ARHGEF33: variants seen among roughly 807,000 people sequenced by gnomAD.
The protein encoded by ARHGEF33 is Rho guanine nucleotide exchange factor 33, also known as DH and coiled-coil domain-containing protein ENSP00000381780.
ARHGEF33 carries 72 observed loss-of-function variants against 101.9 expected under a neutral mutation model. The observed-to-expected ratio is 0.71, with a 90% CI of 0.58 to 0.86. The LOEUF (loss-of-function observed/expected upper bound fraction) is 0.86, where lower values mean the gene tolerates loss of function less well. Among genes scored for constraint, ARHGEF33 ranks in the 40% least tolerant of loss-of-function variants. ARHGEF33 has a pLI of 0.00. For missense variants in ARHGEF33, 1,169 were observed against 1,111.3 expected (o/e 1.05, Z -0.74); for synonymous variants, 499 against 442.5 (o/e 1.13, Z -1.60).
At chr2:38,898,262 T>A (rs1319074163) in intron 2 of ARHGEF33, among the ~76,000 whole-genome samples, 1 of 152,226 alleles carries the variant, frequency 6.6e-6, no homozygotes, top group Admixed American at 6.5e-5. Context: ...CCATTGCTTT[T>A]ACAAAGGAAG....
chr2:38,972,347 C>CG (rs1178494264), intron 17 of ARHGEF33, among the ~76,000 whole-genome samples: 2 of 152,000 alleles, frequency 1.3e-5, no homozygotes, highest in Non-Finnish European at 2.9e-5. Context: ...AGGGAGAACT[C>CG]GGGGGGGTTC....
Position 38,935,782 on chromosome 2 carries a change from G to C in ARHGEF33, c.513G>C (p.Glu171Asp). The change falls in exon 8 of 18, where the codon GAG becomes GAC. Residue 171 changes from glutamate (E) to aspartate (D), a missense_variant. Transcript: ENST00000409978. ...LPSQAYEKAQESRSVHVGDSN... is the reference protein window; with the variant it reads ...LPSQAYEKAQDSRSVHVGDSN... ...GCTTTCCTTTCTCTGCAGCCCAAGA[G>C]TCCAGATCTGTTCATGTAGGAGACA... 1 of 1,552,060 alleles carries C rather than the reference G, an allele frequency of 6.4e-7. No homozygotes were observed. The highest frequency in any genetic ancestry group is 1.2e-5 in the South Asian group (1 of 84,018).
chr2:38,944,030 G>T lies in ARHGEF33; in HGVS notation c.920G>T (p.Ser307Ile). ...GGAAAGAGGAATTCCAAAGAGAGAA[G>T]GTATCCATGCACTCATTGCCTTTGC... ...SDGKRNSKER[S>I]LFPGSLRYLV... Residue 307 changes from serine (S) to isoleucine (I), a missense_variant and splice_region_variant, in exon 10 of 18, where the codon AGC (serine) becomes ATC (isoleucine). Physicochemically the swap from Ser to Ile is moderately radical, Grantham distance 142. Transcript: ENST00000409978. 1 of 1,549,136 alleles carries T rather than the reference G, an allele frequency of 6.5e-7. No homozygotes were observed. Among genetic ancestry groups the T allele is most frequent in the Non-Finnish European group, 8.7e-7 (1 of 1,145,908 alleles).
chr2:38,924,594 G>T (rs927255851), intron 4 of ARHGEF33, among the ~76,000 whole-genome samples: 1 of 152,074 alleles, frequency 6.6e-6, no homozygotes, highest in African/African-American at 2.4e-5. Context: ...TAAACAGTGT[G>T]GCTTCTTGTA....
At chr2:38,965,745 C>T (rs576756575) in intron 16 of ARHGEF33, among the ~76,000 whole-genome samples, 21 of 152,140 alleles carry the variant, frequency 1.4e-4, no homozygotes, top group Non-Finnish European at 2.5e-4. Context: ...TCTTTATTTC[C>T]TTATCTTTAA....
At position 38,937,575 on chromosome 2, in the gene ARHGEF33, G is replaced by A. The variant is rs768029217; in HGVS notation, c.790+16G>A. 1.4e-4 allele frequency: 194 copies of A among 1,363,164 alleles called. No individual in the cohort carries two copies. Among genetic ancestry groups the A allele is most frequent in the Non-Finnish European group, 1.9e-4 (185 of 977,404 alleles). The allele number at this position is 1,363,164 out of a possible 1,614,324, so 84.4% of individuals were successfully genotyped here. Reference sequence around the variant, plus strand: ...TCCTTAGCTGGTAAGTTCCAAGGGGGAATGCAGGCTAATAGTTTAAAGAAC... The same window carrying A: ...TCCTTAGCTGGTAAGTTCCAAGGGGAAATGCAGGCTAATAGTTTAAAGAAC... On this transcript the variant is annotated intron_variant, in intron 9 of 17. Coordinates refer to ENST00000409978, the MANE Select transcript of ARHGEF33 (RefSeq NM_001145451.5).
intron 8 of ARHGEF33, 23 bp from the exon 9 acceptor site, chr2:38,937,312 C>CGGGGGTGGGGGGGGGGGGGGGG: frequency 1.7e-6 from 1 of 583,332 alleles, no homozygotes; most frequent in Non-Finnish European, 3.0e-6. Flanking sequence ...TTTGTTTCCC[C>CGGGGGTGGGGGGGGGGGGGGGG]GCCCCTCCCC....
At chr2:38,914,992 A>T (rs1392900701) in intron 2 of ARHGEF33, among the ~76,000 whole-genome samples, 1 of 151,938 alleles carries the variant, frequency 6.6e-6, no homozygotes, top group Non-Finnish European at 1.5e-5. Context: ...TTTTATCTGT[A>T]CAACAATAAT....
At chr2:38,970,515 T>G (rs1668144338) in intron 17 of ARHGEF33, among the ~76,000 whole-genome samples, 1 of 152,238 alleles carries the variant, frequency 6.6e-6, no homozygotes, top group Non-Finnish European at 1.5e-5. Context: ...ACTTGAACAT[T>G]AAAGGGGATA....
chr2:38,895,606 A>T (rs1474774793), intron 1 of ARHGEF33, among the ~76,000 whole-genome samples, 171 bp from the exon 2 acceptor site: 4 of 151,796 alleles, frequency 2.6e-5, no homozygotes, highest in African/African-American at 9.7e-5. Context: ...AAAAGAAACA[A>T]AGACTTTTAC....
rs557971055 is a variant in ARHGEF33 at position 38,928,399 on chromosome 2, T to A, written c.76-508T>A. Among the ~76,000 whole-genome samples the A allele has an allele frequency of 7.1e-3, 1,082 of 152,068 alleles. 21 individuals carry two copies. The highest frequency in any genetic ancestry group is 0.023 in the African/African-American group (967 of 41,488). On this transcript the variant is annotated intron_variant, in intron 4 of 17. Coordinates refer to ENST00000409978, the MANE Select transcript of ARHGEF33 (RefSeq NM_001145451.5). Reference sequence around the variant, plus strand: ...TGATATCATCCAAGAGTATTTTTTTTAAAAAAAACCTTCTTTCCTTTCAGA... The same window carrying A: ...TGATATCATCCAAGAGTATTTTTTTAAAAAAAAACCTTCTTTCCTTTCAGA...
At chr2:38,905,048 C>T (rs975080985) in intron 2 of ARHGEF33, among the ~76,000 whole-genome samples, 1 of 151,898 alleles carries the variant, frequency 6.6e-6, no homozygotes, top group African/African-American at 2.4e-5. Context: ...GCTAGTGGAA[C>T]CTGAAGGGGG....
intron 2 of ARHGEF33, among the ~76,000 whole-genome samples, chr2:38,907,687 G>A (rs977529514): frequency 6.6e-6 from 1 of 152,108 alleles, no homozygotes; most frequent in African/African-American, 2.4e-5. Context: ...GGAGCTCAGG[G>A]TTCTTTCCCT....
rs904663896 is a variant in ARHGEF33 at position 38,950,952 on chromosome 2, C to T, written c.921-37C>T. 4 of 1,545,714 alleles carry T rather than the reference C, an allele frequency of 2.6e-6. No individual in the cohort carries two copies. The African/African-American group carries it at 5.5e-5, about 21-fold the overall frequency. Reference sequence around the variant, plus strand: ...TTTGTAGGGTCCTTTCTTCTCTACACCTTGTTTGTGTGATTCCGTCTCTAT... The same window carrying T: ...TTTGTAGGGTCCTTTCTTCTCTACATCTTGTTTGTGTGATTCCGTCTCTAT... On this transcript the variant is annotated intron_variant, in intron 10 of 17. Coordinates refer to ENST00000409978, the MANE Select transcript of ARHGEF33 (RefSeq NM_001145451.5).
chr2:38,892,356 G>A (rs1473758899), intron 1 of ARHGEF33, among the ~76,000 whole-genome samples: 2 of 152,080 alleles, frequency 1.3e-5, no homozygotes, highest in African/African-American at 4.8e-5. Context: ...ATTTTCACTG[G>A]GTTTTTTATG....
intron 3 of ARHGEF33, among the ~76,000 whole-genome samples, chr2:38,920,429 CAG>C (rs1666730822): frequency 1.0e-5 from 1 of 95,752 alleles, no homozygotes; most frequent in Non-Finnish European, 1.9e-5. Context: ...TTTTTTGAGA[CAG>C]AGTTTCGCTC....
chr2:38,907,989 G>T (rs189645866), intron 2 of ARHGEF33, among the ~76,000 whole-genome samples: 3 of 150,988 alleles, frequency 2.0e-5, no homozygotes, highest in Non-Finnish European at 4.4e-5. Context: ...CTCTCAACTT[G>T]CTGGGACTAC....
intron 4 of ARHGEF33, among the ~76,000 whole-genome samples, chr2:38,922,954 T>G (rs935335905): frequency 1.3e-5 from 2 of 152,188 alleles, no homozygotes; most frequent in Non-Finnish European, 2.9e-5. Flanking sequence ...GCTTCACTGG[T>G]CCAAGTCCTC....
chr2:38,915,408 A>T (rs1163463025), intron 2 of ARHGEF33, among the ~76,000 whole-genome samples: 32 of 136,494 alleles, frequency 2.3e-4, no homozygotes, highest in African/African-American at 8.4e-4. Flanking sequence ...TTTTTGAGAC[A>T]GAATTTCGCC....
Sources: gnomAD v4.1 joint callset for allele counts (sites outside exome capture counted in the v4.1 genomes callset) on GRCh38, gnomAD v4.1.1 for gene constraint, MANE v1.5 for transcripts, NCBI Gene and HGNC (gene_info 2026-07-23, HGNC 2026-07-21) for gene names.